GART: variants seen among roughly 807,000 people sequenced by gnomAD.
GART encodes the protein phosphoribosylglycinamide formyltransferase, phosphoribosylglycinamide synthetase, phosphoribosylaminoimidazole synthetase, also known as trifunctional purine biosynthetic protein adenosine-3.
A neutral mutation model predicts 107.2 loss-of-function variants in GART; 43 were observed. The observed-to-expected ratio is 0.40, with a 90% confidence interval of 0.31 to 0.52. The LOEUF (loss-of-function observed/expected upper bound fraction) is 0.52. Ranked by LOEUF, GART falls within the 20% of genes least tolerant of loss-of-function variation. The pLI is 0.52. For missense variants in GART, 1,107 were observed against 1,206.5 expected, an observed-to-expected ratio of 0.92 and a Z score of 1.22; for synonymous variants, 434 against 427.0, an observed-to-expected ratio of 1.02 and a Z score of -0.20.
In GART at chr21:33,521,076, A is replaced by G; in HGVS notation, c.1394-61T>C. 5 of 1,352,994 alleles carry G rather than the reference A, an allele frequency of 3.7e-6. No individual in the cohort carries two copies. In the South Asian group the frequency reaches 6.0e-5, roughly 16 times the overall value. 83.8% of individuals were successfully genotyped at this position (1,352,994 alleles called of 1,614,324 possible). A position where few individuals can be genotyped will look rare whatever the true frequency, so the allele number is the denominator to read the frequency against. Reference sequence around the variant, plus strand: ...AATAGATTAAACATGTAATTATTTAAATGTCTACTAGTTTAAAAAAACCAG... The same window carrying G: ...AATAGATTAAACATGTAATTATTTAGATGTCTACTAGTTTAAAAAAACCAG... On this transcript the variant is annotated intron_variant, in intron 12 of 21. Transcript: ENST00000381815.
At chr21:33,505,514 CA>C in intron 20 of GART, 46 bp downstream of exon 20, 1 of 1,540,624 alleles carries the variant, frequency 6.5e-7, no homozygotes, top group Non-Finnish European at 8.8e-7. Context: ...TTCTGGAGAC[CA>C]TTTTCAATTG....
At chr21:33,506,351 C>T (rs985428131) in intron 18 of GART, among the ~76,000 whole-genome samples, 3 of 152,098 alleles carry the variant, frequency 2.0e-5, no homozygotes, top group Non-Finnish European at 4.4e-5. Flanking sequence ...ACCACGTTGG[C>T]CAGGCTCGTC....
At chr21:33,515,942 T>C (rs1403857775) in intron 16 of GART, among the ~76,000 whole-genome samples, 1 of 151,834 alleles carries the variant, frequency 6.6e-6, no homozygotes, top group Non-Finnish European at 1.5e-5. Context: ...TGCGGACCAG[T>C]GTCACGTTAA....
intron 2 of GART, 127 bp from the exon 3 acceptor site, chr21:33,535,447 T>C: frequency 3.7e-6 from 2 of 547,076 alleles, no homozygotes; most frequent in Non-Finnish European, 6.2e-6. Context: ...TTGGTTTTCT[T>C]ATATTGGCAG....
chr21:33,515,114 T>C (rs946957405), intron 16 of GART, among the ~76,000 whole-genome samples: 24 of 152,192 alleles, frequency 1.6e-4, no homozygotes, highest in East Asian at 5.8e-4. Flanking sequence ...AAAAACTACA[T>C]GAGCAGCTTC....
intron 14 of GART, among the ~76,000 whole-genome samples, chr21:33,519,496 G>A (rs2084932230): frequency 6.6e-6 from 1 of 150,950 alleles, no homozygotes; most frequent in African/African-American, 2.4e-5. Flanking sequence ...AGAGCTTGCA[G>A]TGAGCCAAGA....
At chr21:33,507,854 C>G (rs1341165724) in intron 18 of GART, among the ~76,000 whole-genome samples, 1 of 149,760 alleles carries the variant, frequency 6.7e-6, no homozygotes, top group African/African-American at 2.5e-5. Flanking sequence ...AAAAACAAAA[C>G]AAAAAAAAAC....
At chr21:33,539,078 C>A in intron 2 of GART, 93 bp downstream of exon 2, 1 of 1,285,620 alleles carries the variant, frequency 7.8e-7, no homozygotes, top group Admixed American at 2.2e-5. Context: ...CTGTGCCCAG[C>A]CTATCTTTAT....
chr21:33,512,813 G>C (rs1264550161), intron 16 of GART, among the ~76,000 whole-genome samples: 1 of 151,842 alleles, frequency 6.6e-6, no homozygotes, highest in Non-Finnish European at 1.5e-5. Flanking sequence ...GTCTAGTTTT[G>C]ACCTCCTGGG....
intron 7 of GART, among the ~76,000 whole-genome samples, chr21:33,529,301 A>C (rs1226795510): frequency 6.6e-6 from 1 of 152,220 alleles, no homozygotes; most frequent in Non-Finnish European, 1.5e-5. Context: ...TTATGAATTT[A>C]ATTGTAAAAA....
At chr21:33,541,017 T>C (rs1029092472) in intron 1 of GART, among the ~76,000 whole-genome samples, 5 of 151,280 alleles carry the variant, frequency 3.3e-5, no homozygotes, top group African/African-American at 4.9e-5. Context: ...CGATGATCAT[T>C]GAAAATTTGA....
chr21:33,537,561 CAAAT>C (rs1183516329), intron 2 of GART, among the ~76,000 whole-genome samples: 4 of 152,040 alleles, frequency 2.6e-5, no homozygotes, highest in Non-Finnish European at 5.9e-5. Context: ...TGATCATAAA[CAAAT>C]GAAATGGGGA....
rs200548814 is a variant in GART at position 33,528,308 on chromosome 21, G to C, written c.925C>G (p.Leu309Val). Residue 309 changes from leucine to valine, a missense_variant, in exon 10 of 22, where the codon CTT (leucine) becomes GTT (valine). Physicochemically the swap from Leu to Val is conservative, Grantham distance 32. Coordinates refer to ENST00000381815, the MANE Select transcript of GART (RefSeq NM_000819.5). ...AAGGTGGACTGAATCACTTCATAAA[G>C]ATCACTTTTAAGAAGTGGGAGGATT... ...QVILPLLKSDLYEVIQSTLDG... is the reference protein window; with the variant it reads ...QVILPLLKSDVYEVIQSTLDG... 3 of 1,614,038 alleles carry C rather than the reference G, an allele frequency of 1.9e-6. No homozygotes were observed. Among genetic ancestry groups the C allele is most frequent in the East Asian group, 2.2e-5 (1 of 44,876 alleles).
intron 6 of GART, 117 bp from the exon 7 acceptor site, chr21:33,531,001 T>C (rs2085177122): frequency 1.0e-6 from 1 of 989,022 alleles, no homozygotes; most frequent in East Asian, 3.3e-5. Flanking sequence ...TGTTTTTTTT[T>C]TTGCAGAGAA....
intron 19 of GART, 130 bp downstream of exon 19, chr21:33,505,844 G>A: frequency 7.1e-7 from 1 of 1,407,668 alleles, no homozygotes; most frequent in Admixed American, 2.2e-5. Flanking sequence ...ACAGGATGAA[G>A]AAGGCAAGCC....
chr21:33,535,942 C>G (rs567386590), intron 2 of GART, among the ~76,000 whole-genome samples: 1 of 151,912 alleles, frequency 6.6e-6, no homozygotes, highest in African/African-American at 2.4e-5. Flanking sequence ...ACAGGAGAAT[C>G]GCTTGAACTG....
At chr21:33,517,734 T>C in intron 14 of GART, 126 bp from the exon 15 acceptor site, 1 of 949,204 alleles carries the variant, frequency 1.1e-6, no homozygotes, top group Non-Finnish European at 1.6e-6. Context: ...TTTAAGAAAA[T>C]GTACTCTACC....
chr21:33,505,959 T>C lies in GART; in HGVS notation c.2583+15A>G. On this transcript the variant is annotated intron_variant, in intron 19 of 21. Coordinates refer to ENST00000381815, the MANE Select transcript of GART (RefSeq NM_000819.5). ...AATATGGCCCACAGCAAAGATATTT[T>C]CCCAAGTAACTTACTCTAGTGGGAA... is the stretch of plus-strand genomic sequence containing the variant. 6.2e-7 allele frequency: 1 copy of C among 1,613,814 alleles called. No homozygotes were observed. Among genetic ancestry groups the C allele is most frequent in the Non-Finnish European group, 8.5e-7 (1 of 1,179,884 alleles).
chr21:33,539,891 G>A (rs918070014), intron 1 of GART, among the ~76,000 whole-genome samples: 1 of 152,112 alleles, frequency 6.6e-6, no homozygotes, highest in South Asian at 2.1e-4. Flanking sequence ...GGAGTCAAAC[G>A]ATGACTCTCA....
Sources: allele counts gnomAD v4.1 joint callset (sites outside exome capture counted in the v4.1 genomes callset), GRCh38; gene constraint gnomAD v4.1.1; transcripts MANE v1.5; gene names NCBI Gene and HGNC (gene_info 2026-07-23, HGNC 2026-07-21).